The following TNIK variants were observed in gnomAD, a reference collection of about 807,000 sequenced individuals.
The protein encoded by TNIK is TRAF2 and NCK interacting kinase.
TNIK carries 49 observed loss-of-function variants against 191.3 expected under a neutral mutation model. The observed-to-expected ratio is 0.26, with a 90% CI of 0.20 to 0.32. The LOEUF (loss-of-function observed/expected upper bound fraction) is 0.32, where lower values mean the gene tolerates loss of function less well. Among genes scored for constraint, TNIK ranks in the 10% least tolerant of loss-of-function variants. The probability of loss-of-function intolerance (pLI) is 1.00; values close to 1 mark genes in which losing one functional copy is unlikely to be tolerated. For synonymous variants in TNIK, 594 were observed against 600.9 expected, an observed-to-expected ratio of 0.99 and a Z score of 0.17; for missense variants, 1,155 against 1,702.3, an observed-to-expected ratio of 0.68 and a Z score of 5.66.
At chr3:171,411,144 T>C (rs924408478) in intron 1 of TNIK, among the ~76,000 whole-genome samples, 3 of 151,980 alleles carry the variant, frequency 2.0e-5, no homozygotes, top group Admixed American at 1.3e-4. Flanking sequence ...TATAGCTCAT[T>C]GCAGCCTCGA....
At chr3:171,305,178 C>A (rs1488051315) in intron 2 of TNIK, among the ~76,000 whole-genome samples, 3 of 152,028 alleles carry the variant, frequency 2.0e-5, no homozygotes, top group African/African-American at 7.2e-5. Context: ...AAAGCATAAC[C>A]TGACTTTAAT....
chr3:171,178,869 G>A (rs1736292956), intron 7 of TNIK, among the ~76,000 whole-genome samples: 1 of 152,186 alleles, frequency 6.6e-6, no homozygotes, highest in South Asian at 2.1e-4. Context: ...AAAAAGAGAT[G>A]TAACTGGAAG....
At chr3:171,438,753 CA>C (rs1401927838) in intron 1 of TNIK, among the ~76,000 whole-genome samples, 1 of 152,182 alleles carries the variant, frequency 6.6e-6, no homozygotes, top group Admixed American at 6.5e-5. Context: ...GTCTTAGTAA[CA>C]GGGGTTTTGT....
intron 2 of TNIK, among the ~76,000 whole-genome samples, chr3:171,356,388 G>A (rs1485945960): frequency 6.6e-6 from 1 of 152,060 alleles, no homozygotes; most frequent in Admixed American, 6.5e-5. Context: ...ATCTTTCTGG[G>A]AAAACACAAT....
At chr3:171,379,243 T>C (rs1032102391) in intron 1 of TNIK, among the ~76,000 whole-genome samples, 30 of 152,224 alleles carry the variant, frequency 2.0e-4, no homozygotes, top group African/African-American at 7.0e-4. Flanking sequence ...TTCAAAATTA[T>C]TTCCTTACAG....
intron 1 of TNIK, among the ~76,000 whole-genome samples, chr3:171,454,546 T>A (rs1380839993): frequency 6.6e-6 from 1 of 152,180 alleles, no homozygotes; most frequent in East Asian, 1.9e-4. Context: ...CAGTTAATAA[T>A]GAATAATGAA....
chr3:171,267,548 C>A (rs1748543277), intron 2 of TNIK, among the ~76,000 whole-genome samples: 1 of 152,142 alleles, frequency 6.6e-6, no homozygotes. Flanking sequence ...GACGTGAGTT[C>A]AAAAATGTGC....
chr3:171,214,685 G>A (rs934433684), intron 3 of TNIK, among the ~76,000 whole-genome samples: 7 of 152,044 alleles, frequency 4.6e-5, no homozygotes, highest in Non-Finnish European at 7.4e-5. Context: ...AGCCAAGTCC[G>A]GTACTCTAGG....
intron 10 of TNIK, among the ~76,000 whole-genome samples, chr3:171,164,527 A>T (rs1354412618): frequency 6.6e-6 from 1 of 152,224 alleles, no homozygotes; most frequent in Non-Finnish European, 1.5e-5. Flanking sequence ...TATACTCTCA[A>T]TCTTATTTTA....
intron 2 of TNIK, among the ~76,000 whole-genome samples, chr3:171,274,916 A>T (rs948199074): frequency 6.6e-6 from 1 of 152,204 alleles, no homozygotes; most frequent in African/African-American, 2.4e-5. Context: ...ATCTTGCAAA[A>T]CTGGGCAAAA....
At chr3:171,101,402 G>T in intron 22 of TNIK, 47 bp downstream of exon 22, 1 of 1,529,378 alleles carries the variant, frequency 6.5e-7, no homozygotes, top group Non-Finnish European at 8.8e-7. Flanking sequence ...TTTTATTTTG[G>T]AAACCTAGTC....
At chr3:171,155,233 G>T (rs1733011561) in intron 12 of TNIK, among the ~76,000 whole-genome samples, 1 of 152,152 alleles carries the variant, frequency 6.6e-6, no homozygotes, top group African/African-American at 2.4e-5. Context: ...AACACAAGTG[G>T]TCACCAAAGG....
At chr3:171,425,011 T>C (rs970279299) in intron 1 of TNIK, among the ~76,000 whole-genome samples, 2 of 151,550 alleles carry the variant, frequency 1.3e-5, no homozygotes, top group Non-Finnish European at 2.9e-5. Flanking sequence ...CACATGTTAC[T>C]AAATAGAGGG....
intron 2 of TNIK, among the ~76,000 whole-genome samples, chr3:171,355,658 G>T (rs576773122): frequency 6.6e-6 from 1 of 152,282 alleles, no homozygotes; most frequent in Non-Finnish European, 1.5e-5. Context: ...TCTGATAGAG[G>T]CATCTCTAGC....
intron 2 of TNIK, among the ~76,000 whole-genome samples, chr3:171,290,365 G>A (rs575368344): frequency 2.6e-5 from 4 of 152,136 alleles, no homozygotes; most frequent in African/African-American, 9.6e-5. Flanking sequence ...CTACAGAGAG[G>A]GTTATTTGAT....
At chr3:171,328,176 G>T (rs946830759) in intron 2 of TNIK, among the ~76,000 whole-genome samples, 6 of 152,132 alleles carry the variant, frequency 3.9e-5, no homozygotes, top group African/African-American at 7.2e-5. Flanking sequence ...TTATAAAATA[G>T]GTCCCAGAGA....
intron 1 of TNIK, among the ~76,000 whole-genome samples, chr3:171,425,819 C>T (rs1724481067): frequency 9.9e-6 from 1 of 101,180 alleles, no homozygotes; most frequent in Non-Finnish European, 2.2e-5. Context: ...CAGAGTGAGA[C>T]TCTGTCAAAA....
chr3:171,154,852 C>T (rs1410744970), intron 12 of TNIK, among the ~76,000 whole-genome samples: 1 of 152,178 alleles, frequency 6.6e-6, no homozygotes, highest in African/African-American at 2.4e-5. Context: ...GTCTTCTCTC[C>T]ACCATTTAAT....
At chr3:171,368,686 C>T (rs544217304) in intron 2 of TNIK, among the ~76,000 whole-genome samples, 3 of 152,220 alleles carry the variant, frequency 2.0e-5, no homozygotes, top group African/African-American at 7.2e-5. Context: ...GAAAATATTA[C>T]AACCTGAATG....
Sources: gnomAD v4.1 joint callset for allele counts (sites outside exome capture counted in the v4.1 genomes callset) on GRCh38, gnomAD v4.1.1 for gene constraint, MANE v1.5 for transcripts, NCBI Gene and HGNC (gene_info 2026-07-23, HGNC 2026-07-21) for gene names.